Variants in SLC4A7 observed in about 807,000 individuals in gnomAD.
SLC4A7 encodes solute carrier family 4 member 7, also known as sodium bicarbonate cotransporter 3.
SLC4A7 carries 51 observed loss-of-function variants against 137.6 expected under a neutral mutation model. The observed-to-expected ratio is 0.37, with a 90% CI of 0.30 to 0.47. The LOEUF is 0.47. Among genes scored for constraint, SLC4A7 ranks in the 20% least tolerant of loss-of-function variants. The probability of loss-of-function intolerance (pLI) is 1.00; values close to 1 mark genes in which losing one functional copy is unlikely to be tolerated. For synonymous variants in SLC4A7, 542 were observed against 518.6 expected (o/e 1.05, Z -0.61); for missense variants, 1,247 against 1,525.4 (o/e 0.82, Z 3.04).
At chr3:27,455,806 C>T (rs1334803692) in intron 1 of SLC4A7, among the ~76,000 whole-genome samples, 2 of 151,604 alleles carry the variant, frequency 1.3e-5, no homozygotes, top group African/African-American at 4.8e-5. Flanking sequence ...GCAGTGAGCG[C>T]ATAGAGCGCC....
chr3:27,400,365 G>A (rs569190752), intron 16 of SLC4A7, among the ~76,000 whole-genome samples: 8 of 152,146 alleles, frequency 5.3e-5, no homozygotes, highest in Admixed American at 1.3e-4. Flanking sequence ...ATTAGCTGTC[G>A]ATGGAGCAGA....
intron 12 of SLC4A7, among the ~76,000 whole-genome samples, chr3:27,411,277 T>G (rs575446889): frequency 6.6e-6 from 1 of 152,062 alleles, no homozygotes; most frequent in Admixed American, 6.6e-5. Context: ...AAATTATTAG[T>G]TGTAATTACT....
At chr3:27,391,540 C>T (rs1358133723) in intron 21 of SLC4A7, among the ~76,000 whole-genome samples, 200 bp downstream of exon 21, 1 of 152,138 alleles carries the variant, frequency 6.6e-6, no homozygotes, top group Non-Finnish European at 1.5e-5. Context: ...ACCATGTCAG[C>T]TCATGATCTC....
chr3:27,408,835 T>C (rs548362847), intron 13 of SLC4A7, among the ~76,000 whole-genome samples: 1 of 152,352 alleles, frequency 6.6e-6, no homozygotes, highest in South Asian at 2.1e-4. Context: ...TATTTTCACA[T>C]AGACTTAATA....
intron 8 of SLC4A7, chr3:27,422,683 G>T (rs2055111499): frequency 4.7e-6 from 2 of 421,660 alleles, no homozygotes; most frequent in South Asian, 3.3e-5. Flanking sequence ...GGTTACACAT[G>T]ATACCAAATT....
chr3:27,467,971 A>G (rs973552788), intron 1 of SLC4A7, among the ~76,000 whole-genome samples: 5 of 152,270 alleles, frequency 3.3e-5, no homozygotes, highest in African/African-American at 1.2e-4. Flanking sequence ...AGGATATAGT[A>G]GAATAGTATT....
In SLC4A7 at chr3:27,379,272, G is replaced by C; in HGVS notation, c.3675C>G (p.Ala1225=). Reference sequence around the variant, plus strand: ...ACCTCATGTTAGATCTGGTTACTTTGGCATTCTCAGTATTCATGGAAAGTG... The same window carrying C: ...ACCTCATGTTAGATCTGGTTACTTTCGCATTCTCAGTATTCATGGAAAGTG... ...WKALSMNTEN[A]KVTRSNMSPD... is the part of the protein sequence containing the mutation. The change falls in exon 25 of 26, where the codon GCC becomes GCG. Residue 1225 remains alanine, a synonymous_variant. Coordinates refer to ENST00000454389, the MANE Select transcript of SLC4A7 (RefSeq NM_001321103.2). 3 of 1,533,106 alleles carry C rather than the reference G, an allele frequency of 2.0e-6. No individual in the cohort carries two copies. Among genetic ancestry groups the C allele is most frequent in the Non-Finnish European group, 2.6e-6 (3 of 1,144,194 alleles). 95.0% of individuals were successfully genotyped at this position (1,533,106 alleles called of 1,614,324 possible). A position where few individuals can be genotyped will look rare whatever the true frequency, so the allele number is the denominator to read the frequency against.
At chr3:27,476,601 G>A (rs1392786218) in intron 1 of SLC4A7, among the ~76,000 whole-genome samples, 3 of 152,032 alleles carry the variant, frequency 2.0e-5, no homozygotes, top group Non-Finnish European at 2.9e-5. Flanking sequence ...GGAGGTGACT[G>A]AATCATGGGG....
At chr3:27,460,706 T>C (rs1171294900) in intron 1 of SLC4A7, among the ~76,000 whole-genome samples, 1 of 152,196 alleles carries the variant, frequency 6.6e-6, no homozygotes, top group African/African-American at 2.4e-5. Flanking sequence ...GATGAATATA[T>C]GGGTGATAAA....
At chr3:27,407,199 T>C (rs1052242182) in intron 13 of SLC4A7, among the ~76,000 whole-genome samples, 3 of 150,774 alleles carry the variant, frequency 2.0e-5, no homozygotes, top group African/African-American at 7.3e-5. Flanking sequence ...AATCACAGCC[T>C]GGCTAGGCAC....
At chr3:27,464,959 A>G (rs2058902417) in intron 1 of SLC4A7, among the ~76,000 whole-genome samples, 2 of 152,130 alleles carry the variant, frequency 1.3e-5, no homozygotes, top group South Asian at 4.1e-4. Flanking sequence ...TTTTCGCCCA[A>G]TAAATTCGTA....
rs1051066774 is a variant in SLC4A7 at position 27,374,686 on chromosome 3, T to C, written c.*2078A>G. 6.6e-6 allele frequency: 1 copy of C among 152,492 alleles called. No homozygotes were observed. The highest frequency in any genetic ancestry group is 1.5e-5 in the Non-Finnish European group (1 of 67,918). 9.4% of individuals were successfully genotyped at this position (152,492 alleles called of 1,614,324 possible). On this transcript the variant is annotated 3_prime_UTR_variant, in exon 26 of 26. Coordinates refer to ENST00000454389, the MANE Select transcript of SLC4A7 (RefSeq NM_001321103.2). Reference sequence around the variant, plus strand: ...TTTTTCTGGCACTGGATAATTACTATACACAATTAAATAAAATCACAGAAA... The same window carrying C: ...TTTTTCTGGCACTGGATAATTACTACACACAATTAAATAAAATCACAGAAA...
At chr3:27,482,323 G>A (rs1051353000) in intron 1 of SLC4A7, among the ~76,000 whole-genome samples, 10 of 152,168 alleles carry the variant, frequency 6.6e-5, no homozygotes, top group African/African-American at 2.2e-4. Flanking sequence ...GGCAATATTT[G>A]AGAACACACC....
intron 8 of SLC4A7, among the ~76,000 whole-genome samples, chr3:27,422,456 G>C (rs2055081313): frequency 6.6e-6 from 1 of 151,882 alleles, no homozygotes; most frequent in Non-Finnish European, 1.5e-5. Context: ...TTTTTGTAGA[G>C]GTGGGGGGCT....
intron 1 of SLC4A7, among the ~76,000 whole-genome samples, chr3:27,481,751 C>T (rs1264730963): frequency 6.6e-6 from 1 of 152,158 alleles, no homozygotes; most frequent in African/African-American, 2.4e-5. Flanking sequence ...AGGAGGTTTA[C>T]CCTTCTAAAG....
intron 3 of SLC4A7, among the ~76,000 whole-genome samples, chr3:27,447,715 T>A: frequency 6.7e-6 from 1 of 148,466 alleles, no homozygotes; most frequent in East Asian, 2.0e-4. Context: ...CTATCTATGC[T>A]CGTCATCAGA....
chr3:27,414,110 T>A (rs547280878), intron 11 of SLC4A7, among the ~76,000 whole-genome samples: 9 of 152,172 alleles, frequency 5.9e-5, no homozygotes, highest in Admixed American at 3.3e-4. Flanking sequence ...TGAAACCCCA[T>A]CTCTATTAAA....
intron 1 of SLC4A7, among the ~76,000 whole-genome samples, chr3:27,469,247 G>A (rs559072363): frequency 2.6e-5 from 4 of 152,232 alleles, no homozygotes; most frequent in African/African-American, 4.8e-5. Flanking sequence ...TTCTCCCCAC[G>A]AGCAAGCCAA....
chr3:27,410,607 C>T (rs980624532), intron 12 of SLC4A7, among the ~76,000 whole-genome samples: 2 of 152,136 alleles, frequency 1.3e-5, no homozygotes, highest in Non-Finnish European at 2.9e-5. Flanking sequence ...TATGAATCTA[C>T]AGTATATCAT....
Sources: gnomAD v4.1 joint callset for allele counts (sites outside exome capture counted in the v4.1 genomes callset) on GRCh38, gnomAD v4.1.1 for gene constraint, MANE v1.5 for transcripts, NCBI Gene and HGNC (gene_info 2026-07-23, HGNC 2026-07-21) for gene names.